MAPRE3: variants seen among roughly 807,000 people sequenced by gnomAD.
The protein encoded by MAPRE3 is microtubule associated protein RP/EB family member 3, also known as microtubule-associated protein RP/EB family member 3.
In MAPRE3, 2 loss-of-function variants were observed where a neutral mutation model predicts 30.5. The ratio of observed to expected loss-of-function variants is 0.07; its 90% CI spans 0.03 to 0.21. MAPRE3 has a LOEUF of 0.21. MAPRE3 is among the 10% of genes least tolerant of loss of function. The probability of loss-of-function intolerance (pLI) is 1.00; values close to 1 mark genes in which losing one functional copy is unlikely to be tolerated. For synonymous variants in MAPRE3, 110 were observed against 127.7 expected (o/e 0.86, Z 0.93); for missense variants, 204 against 351.8 (o/e 0.58, Z 3.36).
chr2:27,004,838 C>T (rs1336495341), intron 1 of MAPRE3, among the ~76,000 whole-genome samples: 2 of 150,838 alleles, frequency 1.3e-5, no homozygotes, highest in East Asian at 1.9e-4. Flanking sequence ...AATTCCTCAG[C>T]AGGATTTCCG....
At chr2:26,972,992 T>C (rs184680088) in intron 1 of MAPRE3, among the ~76,000 whole-genome samples, 23 of 152,368 alleles carry the variant, frequency 1.5e-4, no homozygotes, top group Non-Finnish European at 2.8e-4. Context: ...GGGACATGAT[T>C]TGAACCAAGT....
rs1027074551 is a variant in MAPRE3, at chr2:27,023,963, G to C, written c.268-133G>C. The stretch of plus-strand genomic sequence containing the variant: ...CCTGTCTGCTCTGGTGCCGTGGGAG[G>C]GGGGCAAGTGGAGAAGGTGGAGGAC... On this transcript the variant is annotated intron_variant, in intron 3 of 6. Transcript: ENST00000233121. 20 of 661,902 alleles carry C rather than the reference G, an allele frequency of 3.0e-5. No homozygotes were observed. In the East Asian group the frequency reaches 4.8e-4, roughly 16 times the overall value. 41.0% of individuals were successfully genotyped at this position (661,902 alleles called of 1,614,324 possible).
chr2:27,010,107 G>A (rs1666816028), intron 1 of MAPRE3, among the ~76,000 whole-genome samples: 1 of 152,184 alleles, frequency 6.6e-6, no homozygotes, highest in Non-Finnish European at 1.5e-5. Flanking sequence ...AAGCAATTTT[G>A]TCTATTCTTC....
At chr2:27,008,695 G>A (rs1666780231) in intron 1 of MAPRE3, among the ~76,000 whole-genome samples, 2 of 152,108 alleles carry the variant, frequency 1.3e-5, no homozygotes, top group Admixed American at 6.5e-5. Context: ...GTTTGGAGAG[G>A]AGAACTCTCC....
intron 1 of MAPRE3, among the ~76,000 whole-genome samples, chr2:26,993,314 A>G (rs1182723734): frequency 1.3e-5 from 2 of 152,132 alleles, no homozygotes; most frequent in Non-Finnish European, 2.9e-5. Flanking sequence ...AGATTGCAGT[A>G]AGCCGAGATT....
rs768211320 is a variant in MAPRE3 at position 27,025,882 on chromosome 2, G to A, written c.627G>A (p.Leu209=). The A allele has an allele frequency of 6.2e-7, 1 of 1,614,188 alleles. No individual in the cohort carries two copies. Among genetic ancestry groups the A allele is most frequent in the East Asian group, 2.2e-5 (1 of 44,876 alleles). Residue 209 remains leucine (L), a splice_region_variant and synonymous_variant, in exon 6 of 7, where the codon CTG becomes CTA. Coordinates refer to ENST00000233121, the MANE Select transcript of MAPRE3 (RefSeq NM_012326.4). The part of the protein sequence containing the change: ...DAQILELNQQ[L]VDLKLTVDGL... Reference sequence around the variant, plus strand: ...AACATCACTTTGTCCCCAAGCAGCTGGTGGACTTGAAGCTGACAGTGGATG... The same window carrying A: ...AACATCACTTTGTCCCCAAGCAGCTAGTGGACTTGAAGCTGACAGTGGATG...
rs143120893 is a variant in MAPRE3, at chr2:26,978,333, C to T, written c.-8+7531C>T. On this transcript the variant is annotated intron_variant, in intron 1 of 6. Coordinates refer to ENST00000233121, the MANE Select transcript of MAPRE3 (RefSeq NM_012326.4). ...CACTAGATGAAATTAGATACCTTTCCCATGTGAGGAGTGTTTCACGCAGGC... is the reference window on the plus strand; with the variant it reads ...CACTAGATGAAATTAGATACCTTTCTCATGTGAGGAGTGTTTCACGCAGGC... Among the ~76,000 whole-genome samples the T allele has an allele frequency of 6.7e-3, 1,023 of 152,264 alleles. 3 individuals are homozygous for T. The highest frequency in any genetic ancestry group is 0.026 in the South Asian group (127 of 4,812).
chr2:27,006,605 A>T (rs75872606), intron 1 of MAPRE3, among the ~76,000 whole-genome samples: 4,183 of 151,474 alleles, frequency 0.028, 48 homozygotes, highest in African/African-American at 0.035. Flanking sequence ...TATTTTTTTT[A>T]AAATTTTTTG....
Position 27,024,787 on chromosome 2 carries a change from G to A in MAPRE3, c.469+490G>A, listed in dbSNP as rs985774972. ...CCTCAAAAGATGAGTCTCTAGAAAC[G>A]AGGCTTTGTCTGGGTCCTGGAGGGG... is the stretch of plus-strand genomic sequence containing the variant. On this transcript the variant is annotated intron_variant, in intron 4 of 6. Transcript: ENST00000233121. Among the ~76,000 whole-genome samples, 8 of 152,140 alleles carry A rather than the reference G, an allele frequency of 5.3e-5. No individual in the cohort carries two copies. In the South Asian group the frequency reaches 1.0e-3, roughly 20 times the overall value.
At position 26,985,699 on chromosome 2, in the gene MAPRE3, C is replaced by T. The variant is rs1240886867; in HGVS notation, c.-8+14897C>T. Among the ~76,000 whole-genome samples, 2 of 152,108 alleles carry T rather than the reference C, an allele frequency of 1.3e-5. No homozygotes were observed. The highest frequency in any genetic ancestry group is 2.4e-5 in the African/African-American group (1 of 41,412). ...TTATAGGACAAAAGAATAGGTATTA[C>T]CTTATATGGCAATAAGTGTTAATTA... is the stretch of plus-strand genomic sequence containing the variant. On this transcript the variant is annotated intron_variant, in intron 1 of 6. Transcript: ENST00000233121. This position sits in a 1 kb window ranked among gnomAD's most constrained non-coding sequence, Gnocchi z 4.2.
At chr2:26,974,769 A>G (rs1182356648) in intron 1 of MAPRE3, among the ~76,000 whole-genome samples, 2 of 152,206 alleles carry the variant, frequency 1.3e-5, no homozygotes, top group Non-Finnish European at 1.5e-5. Flanking sequence ...AATAATAACT[A>G]TCTGTTTTAC....
At chr2:27,017,911 G>A (rs760686870) in intron 1 of MAPRE3, among the ~76,000 whole-genome samples, 2 of 152,132 alleles carry the variant, frequency 1.3e-5, no homozygotes, top group Non-Finnish European at 2.9e-5. Flanking sequence ...GTCTCTGCAG[G>A]AGAAGCCAGT....
chr2:26,977,537 G>T (rs1391127169), intron 1 of MAPRE3, among the ~76,000 whole-genome samples: 7 of 152,156 alleles, frequency 4.6e-5, no homozygotes, highest in African/African-American at 1.2e-4. Flanking sequence ...TGTTTCAAAA[G>T]ACTCTGCCCA....
chr2:26,983,096 A>G (rs1355792737), intron 1 of MAPRE3, among the ~76,000 whole-genome samples: 1 of 152,346 alleles, frequency 6.6e-6, no homozygotes, highest in East Asian at 1.9e-4. Flanking sequence ...ATCCTGTTCA[A>G]TAAAGCCTCA....
At chr2:27,013,075 T>C (rs552423947) in intron 1 of MAPRE3, 1 of 152,470 alleles carries the variant, frequency 6.6e-6, no homozygotes, top group Non-Finnish European at 1.5e-5. Flanking sequence ...CCCAGAGACA[T>C]GGATGTGCTT....
intron 1 of MAPRE3, among the ~76,000 whole-genome samples, chr2:26,973,252 A>G (rs934072839): frequency 1.3e-5 from 2 of 152,186 alleles, no homozygotes; most frequent in Non-Finnish European, 1.5e-5. Context: ...TTCCTGTGTG[A>G]TGATGCCGTT....
At chr2:27,005,802 A>G (rs1048662321) in intron 1 of MAPRE3, among the ~76,000 whole-genome samples, 6 of 152,226 alleles carry the variant, frequency 3.9e-5, no homozygotes, top group Non-Finnish European at 7.3e-5. Context: ...TGGCAACCCT[A>G]CTTGCTGAGA....
chr2:27,025,717 A>C lies in MAPRE3; in HGVS notation c.604A>C (p.Ile202Leu), dbSNP rs1274234223. 1 of 1,614,008 alleles carries C rather than the reference A, an allele frequency of 6.2e-7. No homozygotes were observed. The highest frequency in any genetic ancestry group is 1.3e-5 in the African/African-American group (1 of 74,908). ...TGGCGGCCATGAGACTGATGCCCAA[A>C]TTCTTGAACTCAACCAACAGGTGAG... ...RNGGHETDAQILELNQQLVDL... is the reference protein window; with the variant it reads ...RNGGHETDAQLLELNQQLVDL... Residue 202 changes from isoleucine to leucine, a missense_variant, in exon 5 of 7, where the codon ATT (isoleucine) becomes CTT (leucine). Physicochemically the swap from Ile to Leu is conservative, Grantham distance 5 (BLOSUM62 2). Around this residue, in one of 5 missense-constraint regions of MAPRE3, gnomAD observed 42 missense variants for 81.2 expected, o/e 0.52. Transcript: ENST00000233121.
chr2:27,023,502 C>T, intron 3 of MAPRE3, 25 bp downstream of exon 3: 2 of 1,612,890 alleles, frequency 1.2e-6, no homozygotes, highest in Non-Finnish European at 1.7e-6. Flanking sequence ...TCTGGGGGGC[C>T]CTGAGGAGCA....
Sources: allele counts gnomAD v4.1 joint callset (sites outside exome capture counted in the v4.1 genomes callset), GRCh38; gene constraint gnomAD v4.1.1; regional missense constraint gnomAD v4.1.1; non-coding constraint Gnocchi (gnomAD v3.1); transcripts MANE v1.5; gene names NCBI Gene and HGNC (gene_info 2026-07-23, HGNC 2026-07-21).